The following EPC2 variants were observed in gnomAD, a reference collection of about 807,000 sequenced individuals.
EPC2 encodes the protein enhancer of polycomb homolog 2.
A neutral mutation model predicts 92.1 loss-of-function variants in EPC2; 14 were observed. The observed-to-expected ratio is 0.15, with a 90% confidence interval of 0.10 to 0.24. The LOEUF is 0.24. Ranked by LOEUF, EPC2 falls within the 10% of genes least tolerant of loss-of-function variation. EPC2 has a pLI of 1.00. For missense variants in EPC2, 755 were observed against 971.5 expected (o/e 0.78, Z 2.96); for synonymous variants, 340 against 334.7 (o/e 1.02, Z -0.17).
intron 2 of EPC2, among the ~76,000 whole-genome samples, chr2:148,699,381 G>A (rs964511538): frequency 2.0e-5 from 3 of 152,138 alleles, no homozygotes; most frequent in African/African-American, 7.2e-5. Flanking sequence ...ATGGATCCAT[G>A]ATTACAGTAT....
rs150341033 is a variant in EPC2, at chr2:148,670,791, C to A, written c.154-19423C>A. Among the ~76,000 whole-genome samples the A allele has an allele frequency of 5.1e-3, 782 of 152,242 alleles. 10 individuals are homozygous for A. Among genetic ancestry groups the A allele is most frequent in the African/African-American group, 0.018 (747 of 41,530 alleles). ...AGTGGCAAGATTTCTGCAGCCTCAA[C>A]TTCCAGGCTCAAGCAATCCTTCCAC... On this transcript the variant is annotated intron_variant, in intron 1 of 13. Transcript: ENST00000258484.
intron 1 of EPC2, among the ~76,000 whole-genome samples, chr2:148,666,573 G>A (rs1444406989): frequency 2.0e-5 from 3 of 152,240 alleles, no homozygotes; most frequent in African/African-American, 7.2e-5. Flanking sequence ...AGTTTCAGCA[G>A]ATAAAATTAC....
intron 2 of EPC2, among the ~76,000 whole-genome samples, chr2:148,705,412 C>T (rs1225249302): frequency 2.0e-5 from 3 of 152,148 alleles, no homozygotes; most frequent in Admixed American, 2.0e-4. Flanking sequence ...CTGCACCTCC[C>T]AGCGTGATTG....
intron 1 of EPC2, among the ~76,000 whole-genome samples, chr2:148,670,530 A>G (rs755396527): frequency 6.6e-6 from 1 of 152,120 alleles, no homozygotes; most frequent in South Asian, 2.1e-4. Flanking sequence ...CATTTACAAG[A>G]TAGGATTTAT....
intron 1 of EPC2, among the ~76,000 whole-genome samples, chr2:148,667,747 TGTTA>T (rs1287895046): frequency 1.3e-5 from 2 of 152,224 alleles, no homozygotes; most frequent in African/African-American, 4.8e-5. Context: ...TTCTGTGTGA[TGTTA>T]GTTGTAGTTT....
intron 1 of EPC2, among the ~76,000 whole-genome samples, chr2:148,665,209 T>C (rs1384879683): frequency 1.3e-5 from 2 of 152,226 alleles, no homozygotes; most frequent in Non-Finnish European, 2.9e-5. Flanking sequence ...TATATAGGTA[T>C]CTTGGAATTA....
intron 3 of EPC2, 53 bp downstream of exon 3, chr2:148,743,820 C>G: frequency 7.4e-7 from 1 of 1,357,654 alleles, no homozygotes; most frequent in African/African-American, 1.5e-5. Context: ...CAATTTGCAC[C>G]TTTATAAGAC....
chr2:148,647,417 C>T (rs1245637306), intron 1 of EPC2, among the ~76,000 whole-genome samples: 1 of 151,772 alleles, frequency 6.6e-6, no homozygotes, highest in Non-Finnish European at 1.5e-5. Context: ...AGGTGATTTT[C>T]CTGCCTCAGC....
intron 2 of EPC2, among the ~76,000 whole-genome samples, chr2:148,736,037 C>T (rs1682746187): frequency 6.6e-6 from 1 of 151,972 alleles, no homozygotes; most frequent in African/African-American, 2.4e-5. Context: ...TAGAAGTATT[C>T]CAGCTAATGT....
intron 6 of EPC2, among the ~76,000 whole-genome samples, chr2:148,764,696 C>CA (rs910043799): frequency 6.6e-6 from 1 of 151,654 alleles, no homozygotes; most frequent in African/African-American, 2.4e-5. Flanking sequence ...TAGAGCAATC[C>CA]AAAAAATCAC....
At chr2:148,734,722 C>A (rs901467466) in intron 2 of EPC2, among the ~76,000 whole-genome samples, 22 of 151,716 alleles carry the variant, frequency 1.5e-4, no homozygotes, top group African/African-American at 5.3e-4. Flanking sequence ...AATCTGTTAT[C>A]CATCTCTATT....
chr2:148,664,106 T>C (rs1009485062), intron 1 of EPC2, among the ~76,000 whole-genome samples: 2 of 152,206 alleles, frequency 1.3e-5, no homozygotes, highest in African/African-American at 4.8e-5. Context: ...AGGCATACTG[T>C]TGTGTATTAC....
chr2:148,757,500 C>G (rs1390741689), intron 4 of EPC2, among the ~76,000 whole-genome samples: 1 of 152,080 alleles, frequency 6.6e-6, no homozygotes, highest in Non-Finnish European at 1.5e-5. Context: ...AGCAGTGACA[C>G]CCAGTAGAAA....
chr2:148,724,216 A>G (rs974348302), intron 2 of EPC2, among the ~76,000 whole-genome samples: 1 of 152,008 alleles, frequency 6.6e-6, no homozygotes, highest in Non-Finnish European at 1.5e-5. Flanking sequence ...TTATTTTTTT[A>G]AAAATAAATT....
At chr2:148,714,537 A>C (rs1292782142) in intron 2 of EPC2, among the ~76,000 whole-genome samples, 1 of 152,204 alleles carries the variant, frequency 6.6e-6, no homozygotes, top group Non-Finnish European at 1.5e-5. Flanking sequence ...CAACAGTGTA[A>C]AAGCGTTCCT....
At position 148,749,628 on chromosome 2, in the gene EPC2, G is replaced by C. The variant is rs566830643; in HGVS notation, c.460-4299G>C. Among the ~76,000 whole-genome samples the C allele has an allele frequency of 3.9e-5, 6 of 152,194 alleles. No individual in the cohort carries two copies. In the East Asian group the frequency reaches 9.6e-4, roughly 24 times the overall value. ...GGAACAAGTACATTTTTACATGGGA[G>C]AGGGTGCCTCTTGTATTTTTTAATT... On this transcript the variant is annotated intron_variant, in intron 3 of 13. Transcript: ENST00000258484.
intron 4 of EPC2, among the ~76,000 whole-genome samples, chr2:148,758,173 T>TGGGG (rs1683230356): frequency 2.8e-4 from 1 of 3,530 alleles, no homozygotes; most frequent in African/African-American, 1.2e-3. Flanking sequence ...GGTGGGTGGG[T>TGGGG]GGGTGTGGAT....
chr2:148,756,628 T>C (rs895666323), intron 4 of EPC2, among the ~76,000 whole-genome samples: 6 of 152,242 alleles, frequency 3.9e-5, no homozygotes, highest in African/African-American at 1.2e-4. Context: ...TGAGATAGTC[T>C]TAAGGCACCA....
intron 2 of EPC2, among the ~76,000 whole-genome samples, chr2:148,693,076 T>C (rs952044861): frequency 3.3e-5 from 5 of 152,218 alleles, no homozygotes; most frequent in African/African-American, 1.2e-4. Flanking sequence ...CACAATTTGC[T>C]TATTGGACTT....
Sources: allele counts gnomAD v4.1 joint callset (sites outside exome capture counted in the v4.1 genomes callset), GRCh38; gene constraint gnomAD v4.1.1; transcripts MANE v1.5; gene names NCBI Gene and HGNC (gene_info 2026-07-23, HGNC 2026-07-21).